Variants in SPATA1 observed in about 807,000 individuals in gnomAD.
SPATA1 encodes spermatogenesis associated 1, also known as spermatogenesis-associated protein 1.
SPATA1 carries 57 observed loss-of-function variants against 59.6 expected under a neutral mutation model. That is an observed-to-expected ratio of 0.96 (90% confidence interval 0.77 to 1.19). The LOEUF is 1.19. Among genes scored for constraint, SPATA1 ranks in the 50% most tolerant of loss-of-function variants. The probability of loss-of-function intolerance (pLI) is 0.00; values close to 1 mark genes in which losing one functional copy is unlikely to be tolerated. For missense variants in SPATA1, 448 were observed against 480.7 expected, an observed-to-expected ratio of 0.93 and a Z score of 0.64; for synonymous variants, 147 against 163.9, an observed-to-expected ratio of 0.90 and a Z score of 0.79.
At chr1:84,507,586 C>T (rs536625626) in intron 1 of SPATA1, among the ~76,000 whole-genome samples, 1 of 152,238 alleles carries the variant, frequency 6.6e-6, no homozygotes, top group South Asian at 2.1e-4. Context: ...TGTCTTTTCC[C>T]AAAAGGTATT....
chr1:84,532,341 CA>C (rs1178435917), intron 6 of SPATA1, among the ~76,000 whole-genome samples: 2 of 152,074 alleles, frequency 1.3e-5, no homozygotes, highest in African/African-American at 4.8e-5. Context: ...ACTAAAAATA[CA>C]AAAATTCGCT....
At chr1:84,565,330 G>A (rs1191354451) in intron 4 of SPATA1, among the ~76,000 whole-genome samples, 7 of 152,102 alleles carry the variant, frequency 4.6e-5, no homozygotes, top group Admixed American at 2.0e-4. Context: ...CAGGTCAAAA[G>A]TACTCAAATT....
At chr1:84,530,957 A>G (rs1683441556) in intron 6 of SPATA1, among the ~76,000 whole-genome samples, 1 of 152,200 alleles carries the variant, frequency 6.6e-6, no homozygotes, top group African/African-American at 2.4e-5. Context: ...TTAGTTTCAC[A>G]GTTATCACTC....
chr1:84,513,302 A>G (rs1682653333), intron 1 of SPATA1, among the ~76,000 whole-genome samples: 1 of 152,016 alleles, frequency 6.6e-6, no homozygotes, highest in African/African-American at 2.4e-5. Context: ...TGCCCAGCTA[A>G]TTTTGTATTT....
chr1:84,557,123 G>A (rs1684458495), downstream of SPATA1, among the ~76,000 whole-genome samples: 1 of 152,178 alleles, frequency 6.6e-6, no homozygotes. Context: ...AGGCATATTT[G>A]CTTTCCAGAA....
chr1:84,526,867 C>CAA (rs761804155), intron 6 of SPATA1, among the ~76,000 whole-genome samples: 8 of 60,544 alleles, frequency 1.3e-4, no homozygotes, highest in South Asian at 5.6e-4. Context: ...GACTTTGTCT[C>CAA]AAAAAAAAAA....
chr1:84,522,589 C>A, intron 4 of SPATA1, 82 bp downstream of exon 4: 1 of 603,066 alleles, frequency 1.7e-6, no homozygotes, highest in Non-Finnish European at 2.7e-6. Context: ...ATCAACTCAG[C>A]TCCTTAAGAT....
At chr1:84,560,865 G>A (rs1041930702) in intron 4 of SPATA1, among the ~76,000 whole-genome samples, 1 of 152,134 alleles carries the variant, frequency 6.6e-6, no homozygotes, top group African/African-American at 2.4e-5. Flanking sequence ...GCCCACTGCT[G>A]AGATGTACTA....
At chr1:84,526,469 C>A (rs1297722569) in intron 6 of SPATA1, among the ~76,000 whole-genome samples, 1 of 151,980 alleles carries the variant, frequency 6.6e-6, no homozygotes, top group African/African-American at 2.4e-5. Context: ...ACAACAACAA[C>A]AAAAAAACTT....
chr1:84,508,633 G>A (rs1472780961), intron 1 of SPATA1, among the ~76,000 whole-genome samples: 1 of 152,208 alleles, frequency 6.6e-6, no homozygotes, highest in Non-Finnish European at 1.5e-5. Context: ...AGTACCCTAA[G>A]TTCTTTAGTT....
At position 84,523,252 on chromosome 1, in the gene SPATA1, C is replaced by T. The variant is rs1442574255; in HGVS notation, c.261+745C>T. The stretch of plus-strand genomic sequence containing the variant: ...ACACTCCTATTTGTAGTTTCTATGA[C>T]TTAGTGGGCAGGATACTCTAAGTAG... On this transcript the variant is annotated intron_variant, in intron 4 of 12. Coordinates refer to ENST00000490879, the Ensembl canonical transcript of SPATA1. 3.3e-5 allele frequency among the ~76,000 whole-genome samples: 5 copies of T among 152,108 alleles called. No homozygotes were observed. In the East Asian group the frequency reaches 9.6e-4, roughly 29 times the overall value.
chr1:84,558,456 AT>A, downstream of SPATA1, among the ~76,000 whole-genome samples: 1 of 150,398 alleles, frequency 6.6e-6, no homozygotes, highest in Non-Finnish European at 1.5e-5. Context: ...CGCCCGGCTA[AT>A]TTTTTTTGTA....
intron 4 of SPATA1, among the ~76,000 whole-genome samples, chr1:84,561,613 T>G (rs1684595124): frequency 6.6e-6 from 1 of 152,210 alleles, no homozygotes; most frequent in African/African-American, 2.4e-5. Flanking sequence ...CAGAAATCTT[T>G]CGTGAAAGGA....
intron 8 of SPATA1, among the ~76,000 whole-genome samples, chr1:84,538,962 G>A (rs1683813695): frequency 8.6e-6 from 1 of 116,204 alleles, no homozygotes; most frequent in Admixed American, 7.9e-5. Context: ...ACCACACCCA[G>A]GTAATTTTTG....
At chr1:84,548,731 A>G in intron 10 of SPATA1, 55 bp from the exon 11 acceptor site, 2 of 1,386,672 alleles carry the variant, frequency 1.4e-6, no homozygotes, top group Non-Finnish European at 1.9e-6. Context: ...ATCCTTTAAT[A>G]CTCAAACGAA....
intron 1 of SPATA1, among the ~76,000 whole-genome samples, chr1:84,510,290 A>G (rs1244572060): frequency 6.6e-6 from 1 of 152,228 alleles, no homozygotes; most frequent in Non-Finnish European, 1.5e-5. Flanking sequence ...CAGAATATAT[A>G]AGGAGCTCAA....
intron 7 of SPATA1, among the ~76,000 whole-genome samples, chr1:84,533,326 A>T (rs1558595721): frequency 6.6e-6 from 1 of 152,064 alleles, no homozygotes; most frequent in Non-Finnish European, 1.5e-5. Context: ...TGATTTTCAC[A>T]CTGGTATCAT....
intron 7 of SPATA1, among the ~76,000 whole-genome samples, chr1:84,533,312 T>A (rs1330210845): frequency 6.6e-6 from 1 of 152,144 alleles, no homozygotes; most frequent in East Asian, 1.9e-4. Flanking sequence ...CTAATCAATA[T>A]GCTTGATTTT....
intron 6 of SPATA1, among the ~76,000 whole-genome samples, chr1:84,527,005 AAATT>A (rs754764111): frequency 2.0e-5 from 3 of 152,332 alleles, no homozygotes; most frequent in South Asian, 4.1e-4. Flanking sequence ...GTTTAAATAA[AAATT>A]AAACTCACTG....
Sources: gnomAD v4.1 joint callset for allele counts (sites outside exome capture counted in the v4.1 genomes callset) on GRCh38, gnomAD v4.1.1 for gene constraint, MANE v1.5 for transcripts, NCBI Gene and HGNC (gene_info 2026-07-23, HGNC 2026-07-21) for gene names.